LDHA: variants seen among roughly 807,000 people sequenced by gnomAD.
LDHA encodes L-lactate dehydrogenase A chain.
LDHA carries 10 observed loss-of-function variants against 36.3 expected under a neutral mutation model. That is an observed-to-expected ratio of 0.28 (90% CI 0.17 to 0.47). The LOEUF (loss-of-function observed/expected upper bound fraction) is 0.47. Among genes scored for constraint, LDHA ranks in the 20% least tolerant of loss-of-function variants. The pLI, the probability that LDHA is intolerant of heterozygous loss-of-function variation, is 0.99. For synonymous variants in LDHA, 110 were observed against 136.7 expected, an observed-to-expected ratio of 0.80 and a Z score of 1.36; for missense variants, 267 against 405.8, an observed-to-expected ratio of 0.66 and a Z score of 2.94.
intron 6 of LDHA, among the ~76,000 whole-genome samples, chr11:18,404,716 G>A (rs925634446): frequency 1.7e-4 from 25 of 150,180 alleles, no homozygotes; most frequent in Non-Finnish European, 2.7e-4. Context: ...GCTGAGGCAG[G>A]AGAATGGCAT....
chr11:18,396,648 C>A lies in LDHA; in HGVS notation c.-24-171C>A, dbSNP rs78123102. On this transcript the variant is annotated intron_variant, in intron 1 of 7. Transcript: ENST00000422447. ...ACTCTTCACAGACCCTGTCATTAGG[C>A]CTTTCAACTCTCTTTTGGCAACCAT... is the stretch of plus-strand genomic sequence containing the variant. The A allele has an allele frequency of 2.8e-4, 387 of 1,391,274 alleles. 1 individual carries two copies. The African/African-American group carries it at 5.1e-3, about 18-fold the overall frequency. The allele number at this position is 1,391,274 out of a possible 1,614,324, so 86.2% of individuals were successfully genotyped here.
At chr11:18,401,042 G>A (rs199628855) in intron 4 of LDHA, 32 bp downstream of exon 4, 15 of 1,498,172 alleles carry the variant, frequency 1.0e-5, no homozygotes, top group African/African-American at 1.4e-5. Flanking sequence ...AAATTGACAA[G>A]CTATAGTAAA....
chr11:18,406,258 C>T (rs1419478874), intron 7 of LDHA, among the ~76,000 whole-genome samples: 2 of 152,060 alleles, frequency 1.3e-5, no homozygotes, highest in African/African-American at 4.8e-5. Context: ...GCCACCGCAC[C>T]TGGCCTCAAG....
chr11:18,397,035 CT>C, intron 2 of LDHA, 67 bp downstream of exon 2: 3 of 1,362,192 alleles, frequency 2.2e-6, no homozygotes, highest in Non-Finnish European at 3.2e-6. Context: ...ACTCCTACCC[CT>C]AGAACTGTAT....
chr11:18,405,634 C>G, intron 7 of LDHA, 62 bp downstream of exon 7: 1 of 1,554,134 alleles, frequency 6.4e-7, no homozygotes, highest in Non-Finnish European at 8.9e-7. Context: ...AAAAAAGATT[C>G]TTCTGAGAAA....
At chr11:18,399,655 C>G in intron 3 of LDHA, 107 bp downstream of exon 3, 1 of 836,952 alleles carries the variant, frequency 1.2e-6, no homozygotes, top group East Asian at 2.5e-5. Context: ...AATTATGGCT[C>G]ACCACAGCCT....
In LDHA at chr11:18,396,898, C is replaced by G; in HGVS notation, c.56C>G (p.Pro19Arg). ...AATCTTCTAAAGGAAGAACAGACCCCCCAGAATAAGATTACAGTTGTTGGG... is the reference window on the plus strand; with the variant it reads ...AATCTTCTAAAGGAAGAACAGACCCGCCAGAATAAGATTACAGTTGTTGGG... ...IYNLLKEEQTPQNKITVVGVG... is the reference protein window; with the variant it reads ...IYNLLKEEQTRQNKITVVGVG... The change falls in exon 2 of 8, where the codon CCC (proline) becomes CGC (arginine). Residue 19 changes from proline (P) to arginine (R), a missense_variant. Physicochemically the swap from Pro to Arg is moderately radical, Grantham distance 103. Transcript: ENST00000422447. 6.2e-7 allele frequency: 1 copy of G among 1,613,862 alleles called. No homozygotes were observed. Among genetic ancestry groups the G allele is most frequent in the South Asian group, 1.1e-5 (1 of 91,054 alleles).
At chr11:18,396,106 G>C (rs1866284674) in intron 1 of LDHA, among the ~76,000 whole-genome samples, 1 of 152,266 alleles carries the variant, frequency 6.6e-6, no homozygotes, top group Non-Finnish European at 1.5e-5. Context: ...CATAGCTCCA[G>C]ATTGCCTCTG....
intron 3 of LDHA, chr11:18,400,392 T>C: frequency 6.8e-6 from 2 of 293,386 alleles, no homozygotes; most frequent in South Asian, 3.1e-5. Context: ...AGTGTAAAGC[T>C]GTCTCTGCTT....
intron 2 of LDHA, 103 bp from the exon 3 acceptor site, chr11:18,399,327 AG>A: frequency 1.2e-6 from 1 of 826,042 alleles, no homozygotes; most frequent in South Asian, 1.4e-5. Flanking sequence ...GTACTAATAA[AG>A]TAACAGAACT....
At chr11:18,399,615 T>C in intron 3 of LDHA, 67 bp downstream of exon 3, 1 of 1,219,154 alleles carries the variant, frequency 8.2e-7, no homozygotes, top group Admixed American at 1.7e-5. Context: ...ATGGTCTCCA[T>C]TTGTTGCTTA....
In LDHA at chr11:18,405,560, C is replaced by T; in HGVS notation, c.822C>T (p.Ser274=). 1 of 1,613,896 alleles carries T rather than the reference C, an allele frequency of 6.2e-7. No individual in the cohort carries two copies. The highest frequency in any genetic ancestry group is 8.5e-7 in the Non-Finnish European group (1 of 1,179,888). Residue 274 remains serine, a synonymous_variant, in exon 7 of 8, where the codon TCC becomes TCT. Transcript: ENST00000422447. ...MKNLRRVHPV[S]TMIKGLYGIK... is the part of the protein sequence containing the mutation. ...ATCTTAGGCGGGTGCACCCAGTTTC[C>T]ACCATGATTAAGGTAGGTCTATGTA...
chr11:18,408,410 A>G lies in LDHA; in HGVS notation c.*1129A>G. ...GTTTTCTGCACATTTTTCTGAAAAT[A>G]CAACTGTGACCCTTATCCAGGCCTG... On this transcript the variant is annotated 3_prime_UTR_variant, in exon 8 of 8. Coordinates refer to ENST00000422447, the MANE Select transcript of LDHA (RefSeq NM_005566.4). 1 of 348,342 alleles carries G rather than the reference A, an allele frequency of 2.9e-6. No individual in the cohort carries two copies. The highest frequency in any genetic ancestry group is 5.6e-6 in the Non-Finnish European group (1 of 178,756). 21.6% of individuals were successfully genotyped at this position (348,342 alleles called of 1,614,324 possible). A position where few individuals can be genotyped will look rare whatever the true frequency, so the allele number is the denominator to read the frequency against.
chr11:18,395,898 C>G (rs1866275654), intron 1 of LDHA, among the ~76,000 whole-genome samples: 1 of 152,250 alleles, frequency 6.6e-6, no homozygotes, highest in Non-Finnish European at 1.5e-5. Flanking sequence ...AGGATCACGG[C>G]CGAAGCCACA....
chr11:18,407,259 T>G lies in LDHA; in HGVS notation c.977T>G (p.Ile326Ser). Residue 326 changes from isoleucine (I) to serine (S), a missense_variant, in exon 8 of 8, where the codon ATC becomes AGC. By Grantham distance (142) the Ile-to-Ser change is moderately radical. Coordinates refer to ENST00000422447, the MANE Select transcript of LDHA (RefSeq NM_005566.4). Reference protein sequence around the residue: ...LKKSADTLWGIQKELQF With the variant: ...LKKSADTLWGSQKELQF ...AAGAGTGCAGATACACTTTGGGGGA[T>G]CCAAAAGGAGCTGCAATTTTAAAGT... is the stretch of plus-strand genomic sequence containing the variant. 6.2e-7 allele frequency: 1 copy of G among 1,613,784 alleles called. No individual in the cohort carries two copies. The highest frequency in any genetic ancestry group is 1.7e-5 in the Admixed American group (1 of 59,994).
chr11:18,399,664 C>T, intron 3 of LDHA, 116 bp downstream of exon 3: 2 of 793,770 alleles, frequency 2.5e-6, no homozygotes, highest in East Asian at 2.5e-5. Flanking sequence ...TCACCACAGC[C>T]TCGAACCCTG....
rs199859192 is a variant in LDHA at position 18,407,126 on chromosome 11, G to A, written c.844G>A (p.Gly282Arg). ...PVSTMIKGLY[G>R]IKDDVFLSVP... ...TTCATTTCATCTTCAGGGTCTTTAC[G>A]GAATAAAGGATGATGTCTTCCTTAG... is the stretch of plus-strand genomic sequence containing the variant. The change falls in exon 8 of 8, where the codon GGA (glycine) becomes AGA (arginine). Residue 282 changes from glycine (G) to arginine (R), a missense_variant. Physicochemically the swap from Gly to Arg is moderately radical, Grantham distance 125 (BLOSUM62 -2). Coordinates refer to ENST00000422447, the MANE Select transcript of LDHA (RefSeq NM_005566.4). The A allele has an allele frequency of 4.1e-5, 63 of 1,538,036 alleles. No individual in the cohort carries two copies. Among genetic ancestry groups the A allele is most frequent in the African/African-American group, 5.6e-5 (4 of 71,422 alleles).
In LDHA at chr11:18,406,269, T is replaced by A. The variant is rs966942429; in HGVS notation, c.834+697T>A. On this transcript the variant is annotated intron_variant, in intron 7 of 7. Coordinates refer to ENST00000422447, the MANE Select transcript of LDHA (RefSeq NM_005566.4). ...GTGAGCCACCGCACCTGGCCTCAAG[T>A]TGTATTTTAAAATCTTCATAATTAG... Among the ~76,000 whole-genome samples the A allele has an allele frequency of 2.6e-5, 4 of 152,022 alleles. No individual in the cohort carries two copies. In the East Asian group the frequency reaches 7.7e-4, roughly 29 times the overall value.
At chr11:18,403,969 C>T (rs952131924) in intron 6 of LDHA, among the ~76,000 whole-genome samples, 158 bp downstream of exon 6, 7 of 152,194 alleles carry the variant, frequency 4.6e-5, no homozygotes, top group East Asian at 1.9e-4. Context: ...CTTGCCCTTT[C>T]GCACAGGCTG....
Sources: allele counts gnomAD v4.1 joint callset (sites outside exome capture counted in the v4.1 genomes callset), GRCh38; gene constraint gnomAD v4.1.1; transcripts MANE v1.5; gene names NCBI Gene and HGNC (gene_info 2026-07-23, HGNC 2026-07-21).